Variants in EP300 observed in about 807,000 individuals in gnomAD.
The protein encoded by EP300 is histone acetyltransferase p300.
Under a neutral mutation model 264.0 loss-of-function variants are expected in EP300, and 31 were observed. The ratio of observed to expected loss-of-function variants is 0.12; its 90% confidence interval spans 0.09 to 0.16. The LOEUF (loss-of-function observed/expected upper bound fraction) is 0.16. Ranked by LOEUF, EP300 falls within the 10% of genes least tolerant of loss-of-function variation. The probability of loss-of-function intolerance (pLI) is 1.00; values close to 1 mark genes in which losing one functional copy is unlikely to be tolerated. For synonymous variants in EP300, 1,340 were observed against 1,045.4 expected, an observed-to-expected ratio of 1.28 and a Z score of -5.44; for missense variants, 2,766 against 3,052.9, an observed-to-expected ratio of 0.91 and a Z score of 2.21.
intron 4 of EP300, among the ~76,000 whole-genome samples, chr22:41,129,306 C>T (rs761065842): frequency 3.9e-5 from 6 of 152,148 alleles, no homozygotes; most frequent in South Asian, 2.1e-4. Context: ...CCACCGCGCC[C>T]GGCCAAAACA....
Position 41,167,814 on chromosome 22 carries a change from G to GGTTTTTTTTTTTTTTTTTTTTTTT in EP300, c.3875-635_3875-634insGTTTTTTTTTTTTTTTTTTTTTTT, listed in dbSNP as rs71328778. ...CATTGTTCTATTTCTGTTTGTTTTT[G>GGTTTTTTTTTTTTTTTTTTTTTTT]TTTTTTTTTTTGTTTTTTTTTTTTT... On this transcript the variant is annotated intron_variant, in intron 23 of 30. Coordinates refer to ENST00000263253, the MANE Select transcript of EP300 (RefSeq NM_001429.4). 1.2e-4 allele frequency among the ~76,000 whole-genome samples: 8 copies of GGTTTTTTTTTTTTTTTTTTTTTTT among 66,226 alleles called. 2 individuals are homozygous for GGTTTTTTTTTTTTTTTTTTTTTTT. Among genetic ancestry groups the GGTTTTTTTTTTTTTTTTTTTTTTT allele is most frequent in the Non-Finnish European group, 7.8e-5 (3 of 38,650 alleles). 43.4% of individuals were successfully genotyped at this position (66,226 alleles called of 152,430 possible). A position where few individuals can be genotyped will look rare whatever the true frequency, so the allele number is the denominator to read the frequency against.
At chr22:41,160,594 G>T (rs2059102776) in intron 19 of EP300, 48 bp from the exon 20 acceptor site, 1 of 1,589,100 alleles carries the variant, frequency 6.3e-7, no homozygotes, top group South Asian at 1.1e-5. Context: ...CTTGGGCTGT[G>T]TTGTGTGAAC....
chr22:41,164,141 A>C lies in EP300; in HGVS notation c.3806+11A>C. The C allele has an allele frequency of 6.2e-7, 1 of 1,613,140 alleles. No individual in the cohort carries two copies. The highest frequency in any genetic ancestry group is 8.5e-7 in the Non-Finnish European group (1 of 1,179,140). ...CATCTGGCCTGCTGGGTAAGTCTTA[A>C]CGTTGTTACTTTCTCTGGAATTTTT... is the stretch of plus-strand genomic sequence containing the variant. On this transcript the variant is annotated intron_variant, in intron 22 of 30. Transcript: ENST00000263253.
intron 19 of EP300, 178 bp downstream of exon 19, chr22:41,158,678 C>CA: frequency 1.6e-6 from 1 of 614,704 alleles, no homozygotes; most frequent in Non-Finnish European, 2.9e-6. Context: ...AATTTTCTAT[C>CA]AGAGTAGCCT....
At chr22:41,102,942 C>T (rs748208696) in intron 1 of EP300, among the ~76,000 whole-genome samples, 60 of 151,852 alleles carry the variant, frequency 4.0e-4, no homozygotes, top group Admixed American at 6.6e-4. Flanking sequence ...CTCCGCCTTC[C>T]GGGTTCAAGC....
Position 41,141,148 on chromosome 22 carries a change from A to ATGC in EP300, c.1983_1985dup (p.Ala662dup), listed in dbSNP as rs1366456298. 1 of 1,614,204 alleles carries ATGC rather than the reference A, an allele frequency of 6.2e-7. No individual in the cohort carries two copies. Among genetic ancestry groups the ATGC allele is most frequent in the South Asian group, 1.1e-5 (1 of 91,088 alleles). On this transcript the variant is annotated inframe_insertion, in exon 10 of 31. Coordinates refer to ENST00000263253, the MANE Select transcript of EP300 (RefSeq NM_001429.4). ...CTACAGAAGCAGAACATGCTACCAA[A>ATGC]TGCTGCAGGCATGGTTCCAGTTTCC...
intron 21 of EP300, 133 bp downstream of exon 21, chr22:41,162,912 T>G (rs555125631): frequency 2.6e-6 from 2 of 755,202 alleles, no homozygotes; most frequent in East Asian, 5.1e-5. Context: ...ATCTAATGGA[T>G]AGTAAAACCA....
At position 41,129,970 on chromosome 22, in the gene EP300, C is replaced by A. The variant is rs755604535; in HGVS notation, c.1249C>A (p.Leu417Ile). Residue 417 changes from leucine to isoleucine, a missense_variant, in exon 5 of 31, where the codon CTC (leucine) becomes ATC (isoleucine). By Grantham distance (5) the Leu-to-Ile change is conservative. Transcript: ENST00000263253. ...ACATGATTGTCCTGTGTGTCTCCCC[C>A]TCAAAAATGCTGGTGATAAGAGAAA... ...TRHDCPVCLPLKNAGDKRNQQ... is the reference protein window; with the variant it reads ...TRHDCPVCLPIKNAGDKRNQQ... 6.2e-7 allele frequency: 1 copy of A among 1,613,736 alleles called. No homozygotes were observed. Among genetic ancestry groups the A allele is most frequent in the Non-Finnish European group, 8.5e-7 (1 of 1,179,772 alleles).
chr22:41,158,593 G>C (rs1468650952), intron 19 of EP300, 93 bp downstream of exon 19: 1 of 1,019,578 alleles, frequency 9.8e-7, no homozygotes, highest in Non-Finnish European at 1.5e-6. Context: ...CATGGTTCAT[G>C]TGTATCTTGC....
intron 1 of EP300, among the ~76,000 whole-genome samples, chr22:41,115,713 T>C (rs1399537060): frequency 6.6e-6 from 1 of 152,162 alleles, no homozygotes; most frequent in Non-Finnish European, 1.5e-5. Context: ...GGGCTGGTCT[T>C]GCACCCTGTT....
chr22:41,119,647 GAC>G (rs1475905986), intron 2 of EP300, among the ~76,000 whole-genome samples: 1 of 152,064 alleles, frequency 6.6e-6, no homozygotes, highest in Non-Finnish European at 1.5e-5. Context: ...AAGGCTCATT[GAC>G]ATCTGCTTGG....
In EP300 at chr22:41,132,958, CTG is replaced by C. The variant is rs2058929091; in HGVS notation, c.1528+1329_1528+1330del. 4.6e-5 allele frequency among the ~76,000 whole-genome samples: 7 copies of C among 152,236 alleles called. No homozygotes were observed. The South Asian group carries it at 1.4e-3, about 32-fold the overall frequency. On this transcript the variant is annotated intron_variant, in intron 6 of 30. Transcript: ENST00000263253. ...TATGATAAAATCAAACAGCTTTTTT[CTG>C]TGTCTATCCCTCTGCTGTCAAGCAG...
chr22:41,159,567 C>T (rs1012175243), intron 19 of EP300: 1 of 152,178 alleles, frequency 6.6e-6, no homozygotes, highest in African/African-American at 2.4e-5. Flanking sequence ...ATCTTTGCAC[C>T]AAGCCATCTT....
At chr22:41,100,980 TCAG>T (rs1487145887) in intron 1 of EP300, among the ~76,000 whole-genome samples, 2 of 152,110 alleles carry the variant, frequency 1.3e-5, no homozygotes, top group Non-Finnish European at 2.9e-5. Context: ...GAAATGAAAA[TCAG>T]CAGATAGTTA....
chr22:41,122,556 T>G (rs767969888), intron 2 of EP300, among the ~76,000 whole-genome samples: 1 of 152,300 alleles, frequency 6.6e-6, no homozygotes, highest in South Asian at 2.1e-4. Flanking sequence ...TACTTGTAAA[T>G]CATTCTTGTA....
At chr22:41,098,105 C>A (rs1256534227) in intron 1 of EP300, among the ~76,000 whole-genome samples, 1 of 151,948 alleles carries the variant, frequency 6.6e-6, no homozygotes, top group Admixed American at 6.5e-5. Context: ...CCCATTAACT[C>A]GTCATTTAGC....
At position 41,177,898 on chromosome 22, in the gene EP300, T is replaced by C. The variant is rs926128388; in HGVS notation, c.6187T>C (p.Ser2063Pro). Residue 2063 changes from serine to proline, a missense_variant, in exon 31 of 31, where the codon TCT becomes CCT. Ser to Pro is a moderately conservative substitution (Grantham distance 74). Transcript: ENST00000263253. ...TTTGCGGACTCTCAGGTCTCCCAGC[T>C]CTCCCCTGCAGCAGCAACAGGTGCT... ...NLLRTLRSPS[S>P]PLQQQQVLSI... is the part of the protein sequence containing the mutation. The C allele has an allele frequency of 1.2e-6, 2 of 1,613,892 alleles. No individual in the cohort carries two copies. The highest frequency in any genetic ancestry group is 1.7e-6 in the Non-Finnish European group (2 of 1,180,008).
At chr22:41,158,908 C>T (rs1222277129) in intron 19 of EP300, 4 of 215,990 alleles carry the variant, frequency 1.9e-5, no homozygotes, top group Non-Finnish European at 3.8e-5. Context: ...AGGCCTATCC[C>T]TAAGTAGTTG....
Position 41,163,084 on chromosome 22 carries a change from A to G in EP300, c.3728+305A>G, listed in dbSNP as rs527440174. ...TGTCTTCTAGATGTTCCTAAAATGG[A>G]TGGGATGGTATTTGGATTTATTTGG... On this transcript the variant is annotated intron_variant, in intron 21 of 30. Transcript: ENST00000263253. 9.2e-5 allele frequency among the ~76,000 whole-genome samples: 14 copies of G among 152,282 alleles called. No individual in the cohort carries two copies. The East Asian group carries it at 1.9e-3, about 21-fold the overall frequency.
Sources: allele counts gnomAD v4.1 joint callset (sites outside exome capture counted in the v4.1 genomes callset), GRCh38; gene constraint gnomAD v4.1.1; transcripts MANE v1.5; gene names NCBI Gene and HGNC (gene_info 2026-07-23, HGNC 2026-07-21).